VWA8: variants seen among roughly 807,000 people sequenced by gnomAD.
VWA8 encodes von Willebrand factor A domain containing 8, also known as von Willebrand factor A domain-containing protein 8.
Under a neutral mutation model 241.5 loss-of-function variants are expected in VWA8, and 221 were observed. The observed-to-expected ratio is 0.91, with a 90% confidence interval of 0.82 to 1.02. VWA8 has a LOEUF of 1.02. Among genes scored for constraint, VWA8 ranks in the 50% least tolerant of loss-of-function variants. The pLI, the probability that VWA8 is intolerant of heterozygous loss-of-function variation, is 0.00. For synonymous variants in VWA8, 852 were observed against 827.1 expected (o/e 1.03, Z -0.52); for missense variants, 2,322 against 2,328.7 (o/e 1.00, Z 0.06).
chr13:41,736,457 C>T (rs2045525377), intron 21 of VWA8, among the ~76,000 whole-genome samples: 1 of 152,014 alleles, frequency 6.6e-6, no homozygotes, highest in Non-Finnish European at 1.5e-5. Flanking sequence ...GAAAACTGGC[C>T]TCTAGAGAGC....
intron 37 of VWA8, among the ~76,000 whole-genome samples, chr13:41,627,527 G>A (rs186199675): frequency 6.6e-4 from 100 of 152,292 alleles, no homozygotes; most frequent in African/African-American, 2.4e-3. Flanking sequence ...GCTTTTTATG[G>A]TTTGAATCTT....
At chr13:41,921,457 G>C (rs760663716) in intron 2 of VWA8, among the ~76,000 whole-genome samples, 1 of 152,148 alleles carries the variant, frequency 6.6e-6, no homozygotes, top group Non-Finnish European at 1.5e-5. Context: ...GCAGGAGAAA[G>C]AAATTAAGGG....
chr13:41,832,187 C>A (rs1170715780), intron 13 of VWA8, among the ~76,000 whole-genome samples: 1 of 152,168 alleles, frequency 6.6e-6, no homozygotes, highest in Admixed American at 6.5e-5. Context: ...CCTCGGCCTC[C>A]CAAAGCACTG....
intron 12 of VWA8, among the ~76,000 whole-genome samples, chr13:41,854,253 CA>C (rs1307649372): frequency 2.0e-5 from 3 of 151,924 alleles, no homozygotes; most frequent in African/African-American, 7.3e-5. Flanking sequence ...TTAAAAATAT[CA>C]GTATCAAAAC....
At position 41,919,058 on chromosome 13, in the gene VWA8, C is replaced by G. The variant is rs574399285; in HGVS notation, c.242-6890G>C. On this transcript the variant is annotated intron_variant, in intron 2 of 44. Coordinates refer to ENST00000379310, the MANE Select transcript of VWA8 (RefSeq NM_015058.2). ...TAGCACTCCTCCCCCATAAAAAAAC[C>G]AAGCCAAACAAATGAAAAAACGACA... 3.1e-4 allele frequency among the ~76,000 whole-genome samples: 47 copies of G among 152,056 alleles called. 1 individual carries two copies. The highest frequency in any genetic ancestry group is 2.6e-3 in the Admixed American group (39 of 15,280).
intron 37 of VWA8, among the ~76,000 whole-genome samples, chr13:41,625,999 G>A (rs991757990): frequency 2.7e-5 from 4 of 146,896 alleles, no homozygotes; most frequent in Non-Finnish European, 5.9e-5. Flanking sequence ...ACCAAACACC[G>A]CATGTTCTCA....
intron 37 of VWA8, among the ~76,000 whole-genome samples, chr13:41,653,172 T>A (rs2044879915): frequency 6.6e-6 from 1 of 152,222 alleles, no homozygotes; most frequent in African/African-American, 2.4e-5. Context: ...TGATAGATTA[T>A]AATGGATGTT....
chr13:41,788,200 G>A (rs939611975), intron 17 of VWA8, among the ~76,000 whole-genome samples: 5 of 152,198 alleles, frequency 3.3e-5, no homozygotes, highest in East Asian at 1.9e-4. Flanking sequence ...GTGAGCCAAC[G>A]GATATGACTT....
chr13:41,575,592 G>A (rs765015562), intron 43 of VWA8, 148 bp downstream of exon 43: 95 of 573,360 alleles, frequency 1.7e-4, no homozygotes, highest in Middle Eastern at 1.3e-3. Flanking sequence ...TTTTAGGCAT[G>A]ATGGGTGTTT....
At chr13:41,852,021 T>C (rs1285105570) in intron 12 of VWA8, among the ~76,000 whole-genome samples, 1 of 152,232 alleles carries the variant, frequency 6.6e-6, no homozygotes, top group Non-Finnish European at 1.5e-5. Flanking sequence ...TTTTCTATAA[T>C]GTATGTACTA....
intron 2 of VWA8, chr13:41,926,388 A>G: frequency 1.8e-6 from 1 of 549,602 alleles, no homozygotes; most frequent in South Asian, 1.5e-5. Context: ...ATTCCTAAAG[A>G]TTGAAACTCC....
intron 12 of VWA8, among the ~76,000 whole-genome samples, chr13:41,837,986 C>T (rs992897128): frequency 2.6e-5 from 4 of 152,140 alleles, no homozygotes; most frequent in African/African-American, 9.7e-5. Flanking sequence ...ACCTCACTTT[C>T]ATTCAGATCC....
intron 37 of VWA8, among the ~76,000 whole-genome samples, chr13:41,629,027 G>A (rs2044710791): frequency 2.0e-5 from 3 of 152,010 alleles, no homozygotes; most frequent in South Asian, 4.2e-4. Context: ...GCGACAGAGC[G>A]AGACTCCATC....
chr13:41,606,836 G>C (rs1271015663), intron 39 of VWA8, among the ~76,000 whole-genome samples: 1 of 152,142 alleles, frequency 6.6e-6, no homozygotes, highest in African/African-American at 2.4e-5. Context: ...TAGGTTTCAA[G>C]ATCTAGCTCA....
chr13:41,582,340 A>C (rs1009019329), intron 42 of VWA8, among the ~76,000 whole-genome samples: 3 of 152,168 alleles, frequency 2.0e-5, no homozygotes, highest in Non-Finnish European at 4.4e-5. Context: ...CAGGAGCTGC[A>C]CTCAAGCCAA....
chr13:41,796,378 T>C (rs563176296), intron 17 of VWA8, among the ~76,000 whole-genome samples: 5 of 152,206 alleles, frequency 3.3e-5, no homozygotes, highest in Non-Finnish European at 7.4e-5. Context: ...ATTCCTTTAA[T>C]GGTTATGGGT....
At chr13:41,618,313 T>G (rs1451490440) in intron 37 of VWA8, among the ~76,000 whole-genome samples, 2 of 152,230 alleles carry the variant, frequency 1.3e-5, no homozygotes, top group Admixed American at 6.5e-5. Flanking sequence ...TTGCCCACTT[T>G]TTGATGGGGT....
intron 9 of VWA8, among the ~76,000 whole-genome samples, chr13:41,875,784 C>T (rs1566490479): frequency 6.6e-6 from 1 of 152,026 alleles, no homozygotes; most frequent in Non-Finnish European, 1.5e-5. Context: ...TCATCACTTG[C>T]ATGACTTTAC....
chr13:41,585,568 T>TA lies in VWA8; in HGVS notation c.5271+1943dup, dbSNP rs562176783. 1.2e-4 allele frequency among the ~76,000 whole-genome samples: 18 copies of TA among 152,252 alleles called. No homozygotes were observed. In the South Asian group the frequency reaches 3.3e-3, roughly 28 times the overall value. On this transcript the variant is annotated intron_variant, in intron 42 of 44. Coordinates refer to ENST00000379310, the MANE Select transcript of VWA8 (RefSeq NM_015058.2). Reference sequence around the variant, plus strand: ...ACATTTGCTATGGTCTACATTGGGTTAAAATCTCCCTATAGGGCCAGGTGC... The same window carrying TA: ...ACATTTGCTATGGTCTACATTGGGTTAAAAATCTCCCTATAGGGCCAGGTGC...
Sources: gnomAD v4.1 joint callset for allele counts (sites outside exome capture counted in the v4.1 genomes callset) on GRCh38, gnomAD v4.1.1 for gene constraint, MANE v1.5 for transcripts, NCBI Gene and HGNC (gene_info 2026-07-23, HGNC 2026-07-21) for gene names.